Variants in NDFIP1 observed in about 807,000 individuals in gnomAD.
The protein encoded by NDFIP1 is Nedd4 family interacting protein 1, also known as NEDD4 family-interacting protein 1.
In NDFIP1, 7 loss-of-function variants were observed where a neutral mutation model predicts 28.8. The ratio of observed to expected loss-of-function variants is 0.24; its 90% CI spans 0.14 to 0.46. NDFIP1 has a LOEUF of 0.46. Among genes scored for constraint, NDFIP1 ranks in the 20% least tolerant of loss-of-function variants. The pLI is 0.99. For synonymous variants in NDFIP1, 92 were observed against 101.0 expected, an observed-to-expected ratio of 0.91 and a Z score of 0.53; for missense variants, 194 against 269.1, an observed-to-expected ratio of 0.72 and a Z score of 1.95.
At chr5:142,142,039 A>G (rs953367290) in intron 6 of NDFIP1, among the ~76,000 whole-genome samples, 2 of 152,122 alleles carry the variant, frequency 1.3e-5, no homozygotes, top group African/African-American at 4.8e-5. Flanking sequence ...TGGGAGACTG[A>G]GCCAGGAGGA....
chr5:142,153,443 G>T lies in NDFIP1; in HGVS notation c.*1715G>T, dbSNP rs1248839073. ...ATCAGTATATAATGCACAGAAGTGT[G>T]GGTTGTTTGAAAGCCAAACAGGAAA... On this transcript the variant is annotated 3_prime_UTR_variant, in exon 8 of 8. Coordinates refer to ENST00000253814, the MANE Select transcript of NDFIP1 (RefSeq NM_030571.4). 1 of 456,144 alleles carries T rather than the reference G, an allele frequency of 2.2e-6. No homozygotes were observed. The highest frequency in any genetic ancestry group is 6.9e-5 in the East Asian group (1 of 14,428). The allele number at this position is 456,144 out of a possible 1,614,324, so 28.3% of individuals were successfully genotyped here.
intron 6 of NDFIP1, 157 bp from the exon 7 acceptor site, chr5:142,144,414 T>C: frequency 1.7e-6 from 1 of 596,426 alleles, no homozygotes; most frequent in East Asian, 2.8e-5. Context: ...GATAATTTGG[T>C]ATGAAAATCC....
intron 3 of NDFIP1, among the ~76,000 whole-genome samples, chr5:142,134,968 G>C (rs1757259390): frequency 6.6e-6 from 1 of 151,972 alleles, no homozygotes; most frequent in Admixed American, 6.6e-5. Flanking sequence ...TAAAGCACTT[G>C]AGCTGGTTGA....
At chr5:142,129,077 G>A (rs1290060614) in intron 1 of NDFIP1, among the ~76,000 whole-genome samples, 1 of 152,164 alleles carries the variant, frequency 6.6e-6, no homozygotes, top group East Asian at 1.9e-4. Context: ...ACCAAGCTCA[G>A]GAAATATAAA....
chr5:142,134,555 G>A (rs1320153134), intron 3 of NDFIP1, among the ~76,000 whole-genome samples: 2 of 152,182 alleles, frequency 1.3e-5, no homozygotes, highest in African/African-American at 4.8e-5. Flanking sequence ...CTCCCCAGGG[G>A]AACCACTGTT....
rs58025057 is a variant in NDFIP1 at position 142,131,723 on chromosome 5, G to A, written c.64-85G>A. On this transcript the variant is annotated intron_variant, in intron 1 of 7. Coordinates refer to ENST00000253814, the MANE Select transcript of NDFIP1 (RefSeq NM_030571.4). ...CAAAATACGTTGCCAAATAGCTTTCGAGAAAGGCTATTTATTTCAGTTTTT... is the reference window on the plus strand; with the variant it reads ...CAAAATACGTTGCCAAATAGCTTTCAAGAAAGGCTATTTATTTCAGTTTTT... 5.9e-6 allele frequency: 6 copies of A among 1,021,852 alleles called. No homozygotes were observed. The African/African-American group carries it at 6.7e-5, about 11-fold the overall frequency. 63.3% of individuals were successfully genotyped at this position (1,021,852 alleles called of 1,614,324 possible). A position where few individuals can be genotyped will look rare whatever the true frequency, so the allele number is the denominator to read the frequency against.
At position 142,140,555 on chromosome 5, in the gene NDFIP1, T is replaced by C. The variant is rs776012295; in HGVS notation, c.496-8T>C. On this transcript the variant is annotated splice_polypyrimidine_tract_variant and splice_region_variant and intron_variant, in intron 5 of 7. Coordinates refer to ENST00000253814, the MANE Select transcript of NDFIP1 (RefSeq NM_030571.4). ...AGCTGCTATAAAGTGTTTTGCCTTA[T>C]TTTTTAGTTTTCCACCTATTTCCCT... The C allele has an allele frequency of 1.2e-6, 2 of 1,608,142 alleles. No individual in the cohort carries two copies. The highest frequency in any genetic ancestry group is 1.7e-6 in the Non-Finnish European group (2 of 1,177,396).
In NDFIP1 at chr5:142,153,733, T is replaced by G. The variant is rs1218427214; in HGVS notation, c.*2005T>G. ...CAATCTGAATAGATGTGGACACATA[T>G]AGCAGAGAGAACTATGTAAATTATC... On this transcript the variant is annotated 3_prime_UTR_variant, in exon 8 of 8. Coordinates refer to ENST00000253814, the MANE Select transcript of NDFIP1 (RefSeq NM_030571.4). 5.3e-6 allele frequency: 1 copy of G among 187,888 alleles called. No individual in the cohort carries two copies. Among genetic ancestry groups the G allele is most frequent in the Non-Finnish European group, 1.1e-5 (1 of 88,458 alleles). The allele number at this position is 187,888 out of a possible 1,614,324, so 11.6% of individuals were successfully genotyped here. A position where few individuals can be genotyped will look rare whatever the true frequency, so the allele number is the denominator to read the frequency against.
intron 5 of NDFIP1, among the ~76,000 whole-genome samples, chr5:142,138,835 T>C (rs553346847): frequency 4.6e-5 from 7 of 152,102 alleles, no homozygotes; most frequent in African/African-American, 7.2e-5. Context: ...ATTAAACTCT[T>C]GGACACCAAA....
chr5:142,128,355 G>C (rs1757191633), intron 1 of NDFIP1, among the ~76,000 whole-genome samples: 1 of 152,162 alleles, frequency 6.6e-6, no homozygotes, highest in Non-Finnish European at 1.5e-5. Context: ...AGGGTTCCCA[G>C]GGGTGGAAAA....
In NDFIP1 at chr5:142,108,866, C is replaced by G. The variant is rs998126410; in HGVS notation, c.-109C>G. 77 of 983,312 alleles carry G rather than the reference C, an allele frequency of 7.8e-5. No homozygotes were observed. The highest frequency in any genetic ancestry group is 9.7e-5 in the Non-Finnish European group (72 of 739,266). 60.9% of individuals were successfully genotyped at this position (983,312 alleles called of 1,614,324 possible). On this transcript the variant is annotated 5_prime_UTR_variant, in exon 1 of 8. Coordinates refer to ENST00000253814, the MANE Select transcript of NDFIP1 (RefSeq NM_030571.4). Reference sequence around the variant, plus strand: ...CCGGGAGCGGCGGCGGCCATCGAGACCCACCCAAGGCGCGTCCCCCTCGGC... The same window carrying G: ...CCGGGAGCGGCGGCGGCCATCGAGAGCCACCCAAGGCGCGTCCCCCTCGGC...
Position 142,135,798 on chromosome 5 carries a change from T to A in NDFIP1, c.351T>A (p.Ile117=). Residue 117 remains isoleucine, a synonymous_variant, in exon 4 of 8, where the codon ATT becomes ATA. Transcript: ENST00000253814. The stretch of plus-strand genomic sequence containing the variant: ...AGCTGAGGATAGGAAATGATGGGAT[T>A]TTCATGTTAACTTTTTTCAGTAAGT... ...ADQLRIGNDG[I]FMLTFFMAFL... 1 of 1,613,742 alleles carries A rather than the reference T, an allele frequency of 6.2e-7. No homozygotes were observed. Among genetic ancestry groups the A allele is most frequent in the South Asian group, 1.1e-5 (1 of 91,050 alleles).
rs1456115353 is a variant in NDFIP1 at position 142,153,499 on chromosome 5, G to A, written c.*1771G>A. 2.2e-6 allele frequency: 1 copy of A among 446,364 alleles called. No homozygotes were observed. Among genetic ancestry groups the A allele is most frequent in the Non-Finnish European group, 4.5e-6 (1 of 220,090 alleles). The allele number at this position is 446,364 out of a possible 1,614,324, so 27.7% of individuals were successfully genotyped here. A position where few individuals can be genotyped will look rare whatever the true frequency, so the allele number is the denominator to read the frequency against. On this transcript the variant is annotated 3_prime_UTR_variant, in exon 8 of 8. Coordinates refer to ENST00000253814, the MANE Select transcript of NDFIP1 (RefSeq NM_030571.4). ...GAGCCTCCTGGATTGACATTTCAAT[G>A]ATCCCTCTAACCAGTTTATGGATTA...
chr5:142,131,572 G>A (rs570342967), intron 1 of NDFIP1, among the ~76,000 whole-genome samples: 1 of 152,218 alleles, frequency 6.6e-6, no homozygotes, highest in East Asian at 1.9e-4. Flanking sequence ...TTGGAATTTA[G>A]GTTGTTTCTA....
chr5:142,138,170 G>A (rs1334152726), intron 5 of NDFIP1: 3 of 169,728 alleles, frequency 1.8e-5, no homozygotes, highest in Non-Finnish European at 3.8e-5. Flanking sequence ...ATAAAAGGAA[G>A]GATATTACCC....
chr5:142,136,943 C>A (rs1478925180), intron 4 of NDFIP1, among the ~76,000 whole-genome samples: 1 of 150,988 alleles, frequency 6.6e-6, no homozygotes, highest in African/African-American at 2.4e-5. Context: ...TGGCGGTGCA[C>A]GCCTATAGTC....
intron 1 of NDFIP1, among the ~76,000 whole-genome samples, chr5:142,114,924 A>G (rs997436023): frequency 2.0e-5 from 3 of 152,194 alleles, no homozygotes; most frequent in East Asian, 1.9e-4. Context: ...TAATCATACT[A>G]TCTGTGTCCT....
intron 1 of NDFIP1, among the ~76,000 whole-genome samples, chr5:142,120,370 A>G (rs1246104720): frequency 6.6e-6 from 1 of 152,136 alleles, no homozygotes; most frequent in Non-Finnish European, 1.5e-5. Context: ...ACCTGGTGCC[A>G]CCAGTTCTTG....
chr5:142,140,944 A>G (rs940186882), intron 6 of NDFIP1, among the ~76,000 whole-genome samples: 8 of 152,078 alleles, frequency 5.3e-5, no homozygotes, highest in Non-Finnish European at 1.2e-4. Flanking sequence ...AGCTATTGCC[A>G]CACAGCATTC....
Sources: gnomAD v4.1 joint callset for allele counts (sites outside exome capture counted in the v4.1 genomes callset) on GRCh38, gnomAD v4.1.1 for gene constraint, MANE v1.5 for transcripts, NCBI Gene and HGNC (gene_info 2026-07-23, HGNC 2026-07-21) for gene names.